Variants in RANBP17 observed in about 807,000 individuals in gnomAD.
RANBP17 encodes ran-binding protein 17.
Under a neutral mutation model 141.2 loss-of-function variants are expected in RANBP17, and 158 were observed. The ratio of observed to expected loss-of-function variants is 1.12; its 90% CI spans 0.98 to 1.28. RANBP17 has a LOEUF of 1.28. Among genes scored for constraint, RANBP17 ranks in the 50% most tolerant of loss-of-function variants. The pLI, the probability that RANBP17 is intolerant of heterozygous loss-of-function variation, is 0.00. For missense variants in RANBP17, 1,438 were observed against 1,290.7 expected, an observed-to-expected ratio of 1.11 and a Z score of -1.75; for synonymous variants, 430 against 450.0, an observed-to-expected ratio of 0.96 and a Z score of 0.56.
chr5:171,132,054 A>G (rs558267016), intron 14 of RANBP17, among the ~76,000 whole-genome samples: 1 of 152,312 alleles, frequency 6.6e-6, no homozygotes, highest in African/African-American at 2.4e-5. Flanking sequence ...TGAAATTTAT[A>G]GTTTCTCCAT....
In RANBP17 at chr5:170,991,820, TA is replaced by T. The variant is rs1404935926; in HGVS notation, c.1710+23444del. Among the ~76,000 whole-genome samples, 5 of 152,128 alleles carry T rather than the reference TA, an allele frequency of 3.3e-5. No individual in the cohort carries two copies. In the East Asian group the frequency reaches 9.6e-4, roughly 29 times the overall value. On this transcript the variant is annotated intron_variant, in intron 14 of 27. Transcript: ENST00000523189. ...TGTTATTGGTAAGAATAAGAAGAAC[TA>T]TTTTTAAAATTTTACCACTATTTAA...
chr5:170,909,823 T>C (rs766606401), intron 6 of RANBP17, 58 bp downstream of exon 6: 1 of 936,872 alleles, frequency 1.1e-6, no homozygotes, highest in Admixed American at 1.9e-5. Context: ...TTTAAGAGTT[T>C]CAAAAGAATT....
At chr5:171,099,362 T>C (rs929475839) in intron 14 of RANBP17, among the ~76,000 whole-genome samples, 1 of 152,192 alleles carries the variant, frequency 6.6e-6, no homozygotes, top group Non-Finnish European at 1.5e-5. Context: ...AGGTATTTTA[T>C]TCTCTTTGGA....
chr5:170,977,766 C>T (rs150345650), intron 14 of RANBP17, among the ~76,000 whole-genome samples: 8 of 152,040 alleles, frequency 5.3e-5, no homozygotes, highest in Non-Finnish European at 8.8e-5. Flanking sequence ...CACATGATTC[C>T]AGTGGTTTGA....
At chr5:170,879,227 T>A (rs1768452617) in intron 2 of RANBP17, among the ~76,000 whole-genome samples, 1 of 152,174 alleles carries the variant, frequency 6.6e-6, no homozygotes, top group Admixed American at 6.5e-5. Context: ...CATATGATTA[T>A]AATTAAGCAC....
Position 171,241,956 on chromosome 5 carries a change from T to C in RANBP17, c.2638-726T>C, listed in dbSNP as rs182721713. Among the ~76,000 whole-genome samples, 5 of 152,130 alleles carry C rather than the reference T, an allele frequency of 3.3e-5. 1 individual carries two copies. The East Asian group carries it at 9.7e-4, about 29-fold the overall frequency. On this transcript the variant is annotated intron_variant, in intron 23 of 27. Transcript: ENST00000523189. ...GATTCCTATTGAGTTGGTCTTAACA[T>C]CACTTTAAGAAATGCTCCTCTGGTT...
At chr5:170,949,772 A>T (rs907888008) in intron 12 of RANBP17, among the ~76,000 whole-genome samples, 1 of 152,194 alleles carries the variant, frequency 6.6e-6, no homozygotes, top group Non-Finnish European at 1.5e-5. Flanking sequence ...TTGTACACAA[A>T]TGTTCATAGC....
chr5:170,895,987 T>C, intron 4 of RANBP17, 63 bp from the exon 5 acceptor site: 1 of 864,684 alleles, frequency 1.2e-6, no homozygotes, highest in Admixed American at 2.5e-5. Flanking sequence ...TGTTACCTGG[T>C]ATATACATTA....
intron 14 of RANBP17, among the ~76,000 whole-genome samples, chr5:170,995,779 AATCTT>A (rs1274927240): frequency 1.3e-5 from 2 of 152,144 alleles, no homozygotes; most frequent in Non-Finnish European, 2.9e-5. Flanking sequence ...TTTTGCATAT[AATCTT>A]ACATTTAAAA....
intron 20 of RANBP17, among the ~76,000 whole-genome samples, chr5:171,211,286 G>A (rs1762866815): frequency 6.6e-6 from 1 of 151,182 alleles, no homozygotes; most frequent in Non-Finnish European, 1.5e-5. Flanking sequence ...TTTTGAGACA[G>A]AGTCTCACTC....
intron 21 of RANBP17, among the ~76,000 whole-genome samples, chr5:171,217,629 T>C (rs1008736813): frequency 6.6e-6 from 1 of 152,190 alleles, no homozygotes; most frequent in African/African-American, 2.4e-5. Flanking sequence ...TGGTTTAGTC[T>C]TGGGAAGGTG....
chr5:170,881,927 T>G, intron 3 of RANBP17, 31 bp downstream of exon 3: 1 of 1,421,196 alleles, frequency 7.0e-7, no homozygotes, highest in South Asian at 1.3e-5. Context: ...TTTAACCAAC[T>G]GCGCTTTAAA....
intron 12 of RANBP17, among the ~76,000 whole-genome samples, chr5:170,943,433 C>T (rs553221784): frequency 1.3e-5 from 2 of 152,132 alleles, no homozygotes; most frequent in South Asian, 2.1e-4. Context: ...TTAACGTTTA[C>T]TTGTGATCTA....
At chr5:170,967,427 TTATTA>T (rs1023593428) in intron 13 of RANBP17, among the ~76,000 whole-genome samples, 3 of 152,024 alleles carry the variant, frequency 2.0e-5, no homozygotes, top group Non-Finnish European at 2.9e-5. Flanking sequence ...TCTCAAAAAA[TTATTA>T]TATTATATTC....
chr5:170,921,101 C>A (rs916566856), intron 11 of RANBP17, among the ~76,000 whole-genome samples: 4 of 152,106 alleles, frequency 2.6e-5, no homozygotes, highest in Non-Finnish European at 4.4e-5. Context: ...TTAATTAGAT[C>A]CCATTTGTCA....
chr5:171,026,679 G>A (rs894139430), intron 14 of RANBP17, among the ~76,000 whole-genome samples: 1 of 152,142 alleles, frequency 6.6e-6, no homozygotes, highest in African/African-American at 2.4e-5. Context: ...TTGGATCTTT[G>A]AAGATATTCT....
chr5:171,014,479 T>C (rs545315713), intron 14 of RANBP17, among the ~76,000 whole-genome samples: 4 of 152,034 alleles, frequency 2.6e-5, no homozygotes, highest in African/African-American at 9.6e-5. Context: ...TTAGTTATGC[T>C]TTAGGGTTTA....
intron 24 of RANBP17, among the ~76,000 whole-genome samples, chr5:171,265,320 A>G (rs1279075241): frequency 6.6e-6 from 1 of 152,208 alleles, no homozygotes; most frequent in African/African-American, 2.4e-5. Flanking sequence ...GAATCACCTC[A>G]GGTCAGGAGT....
intron 14 of RANBP17, among the ~76,000 whole-genome samples, chr5:171,002,544 A>G (rs535853944): frequency 1.3e-5 from 2 of 152,284 alleles, no homozygotes; most frequent in East Asian, 1.9e-4. Context: ...CCTATATAAC[A>G]GCATGGTGGT....
Sources: allele counts gnomAD v4.1 joint callset (sites outside exome capture counted in the v4.1 genomes callset), GRCh38; gene constraint gnomAD v4.1.1; transcripts MANE v1.5; gene names NCBI Gene and HGNC (gene_info 2026-07-23, HGNC 2026-07-21).